ZNF609: variants seen among roughly 807,000 people sequenced by gnomAD.
ZNF609 encodes the protein zinc finger protein 609.
Under a neutral mutation model 109.5 loss-of-function variants are expected in ZNF609, and 11 were observed. That is an observed-to-expected ratio of 0.10 (90% CI 0.06 to 0.17). ZNF609 has a LOEUF of 0.17. ZNF609 is among the 10% of genes least tolerant of loss of function. ZNF609 has a pLI of 1.00. For missense variants in ZNF609, 1,559 were observed against 1,772.4 expected (o/e 0.88, Z 2.16); for synonymous variants, 646 against 662.0 (o/e 0.98, Z 0.37).
intron 2 of ZNF609, among the ~76,000 whole-genome samples, chr15:64,587,352 G>A (rs1006133464): frequency 2.0e-5 from 3 of 149,322 alleles, no homozygotes; most frequent in African/African-American, 7.4e-5. Flanking sequence ...TACCCTGACC[G>A]TGTCATATCT....
intron 2 of ZNF609, among the ~76,000 whole-genome samples, chr15:64,620,759 A>G (rs1377356221): frequency 6.6e-6 from 1 of 152,196 alleles, no homozygotes; most frequent in Non-Finnish European, 1.5e-5. Flanking sequence ...ATGATCTACA[A>G]ATAGTGATGA....
chr15:64,588,151 G>A lies in ZNF609; in HGVS notation c.748-34676G>A, dbSNP rs114781140. On this transcript the variant is annotated intron_variant, in intron 2 of 9. Coordinates refer to ENST00000326648, the MANE Select transcript of ZNF609 (RefSeq NM_015042.2). ...AGACCTTAAAAAGAAGGGGAAGGCC[G>A]GGTGCGGTGGCTCACGCCTGTAATC... Among the ~76,000 whole-genome samples the A allele has an allele frequency of 8.4e-3, 1,274 of 151,206 alleles. 23 individuals are homozygous for A. The highest frequency in any genetic ancestry group is 0.03 in the African/African-American group (1,221 of 41,310).
At chr15:64,575,378 C>G (rs1029947608) in intron 2 of ZNF609, among the ~76,000 whole-genome samples, 2 of 151,018 alleles carry the variant, frequency 1.3e-5, no homozygotes, top group Non-Finnish European at 2.9e-5. Flanking sequence ...GAGCCTAGAT[C>G]GCACCATTGC....
At chr15:64,523,352 A>G (rs1044822552) in intron 2 of ZNF609, among the ~76,000 whole-genome samples, 1 of 152,212 alleles carries the variant, frequency 6.6e-6, no homozygotes, top group Non-Finnish European at 1.5e-5. Context: ...CAGCTCTGAG[A>G]CTACTCTTTG....
chr15:64,676,242 C>CCAGA lies in ZNF609; in HGVS notation c.3388_3389insCAGA (p.Leu1130ProfsTer29). ...TCGACAGGCAGAGATGGATCCAATA[C>CCAGA]TCTGGTACCGACAGGTAACTGTTGC... is the stretch of plus-strand genomic sequence containing the variant. On this transcript the variant is annotated frameshift_variant, in exon 5 of 10. Transcript: ENST00000326648. LOFTEE classifies it high-confidence loss of function. 1 of 1,608,106 alleles carries CCAGA rather than the reference C, an allele frequency of 6.2e-7. No homozygotes were observed. Among genetic ancestry groups the CCAGA allele is most frequent in the Non-Finnish European group, 8.5e-7 (1 of 1,177,392 alleles).
intron 2 of ZNF609, among the ~76,000 whole-genome samples, chr15:64,523,880 G>A (rs528220832): frequency 6.6e-6 from 1 of 151,918 alleles, no homozygotes; most frequent in Non-Finnish European, 1.5e-5. Flanking sequence ...CTTTTTGCAT[G>A]TTTATCAAAT....
In ZNF609 at chr15:64,674,773, C is replaced by T. The variant is rs140282995; in HGVS notation, c.1919C>T (p.Pro640Leu). ...KCMEKEKCKKPSSLKPEKIPS... is the reference protein window; with the variant it reads ...KCMEKEKCKKLSSLKPEKIPS... Reference sequence around the variant, plus strand: ...ATGGAAAAAGAAAAATGTAAAAAACCCTCTAGTTTAAAACCTGAAAAGATT... The same window carrying T: ...ATGGAAAAAGAAAAATGTAAAAAACTCTCTAGTTTAAAACCTGAAAAGATT... The change falls in exon 5 of 10, where the codon CCC (proline) becomes CTC (leucine). Residue 640 changes from proline (P) to leucine (L), a missense_variant. Physicochemically the swap from Pro to Leu is moderately conservative, Grantham distance 98. This residue lies in a region of ZNF609 where 1,204 missense variants were observed against 1,314.1 expected (regional missense o/e 0.92). Transcript: ENST00000326648. 8.1e-6 allele frequency: 13 copies of T among 1,613,908 alleles called. No homozygotes were observed. In the African/African-American group the frequency reaches 1.3e-4, roughly 17 times the overall value.
chr15:64,463,762 C>G (rs1382215659), intron 1 of ZNF609, among the ~76,000 whole-genome samples: 1 of 152,210 alleles, frequency 6.6e-6, no homozygotes, highest in Non-Finnish European at 1.5e-5. Flanking sequence ...GTCTTCAGGC[C>G]TTACTGGAGG....
chr15:64,545,903 T>G (rs1425412068), intron 2 of ZNF609, among the ~76,000 whole-genome samples: 2 of 152,220 alleles, frequency 1.3e-5, no homozygotes, highest in Non-Finnish European at 1.5e-5. Flanking sequence ...TTTGCTTACC[T>G]GCTTACCACC....
At chr15:64,594,015 A>G (rs576599544) in intron 2 of ZNF609, among the ~76,000 whole-genome samples, 19 of 152,234 alleles carry the variant, frequency 1.2e-4, no homozygotes, top group Non-Finnish European at 2.2e-4. Flanking sequence ...GAAGGGTTTT[A>G]TGTCATGAAC....
chr15:64,679,465 G>C (rs1896851275), intron 6 of ZNF609, among the ~76,000 whole-genome samples: 1 of 152,188 alleles, frequency 6.6e-6, no homozygotes, highest in African/African-American at 2.4e-5. Context: ...TGGGGTGGAA[G>C]GGCACTGCTT....
chr15:64,595,250 A>G (rs1895373217), intron 2 of ZNF609, among the ~76,000 whole-genome samples: 1 of 151,728 alleles, frequency 6.6e-6, no homozygotes, highest in East Asian at 1.9e-4. Flanking sequence ...AATGCCAGCT[A>G]CTTGGGAGGC....
chr15:64,599,892 C>T (rs1473724361), intron 2 of ZNF609, among the ~76,000 whole-genome samples: 1 of 152,176 alleles, frequency 6.6e-6, no homozygotes, highest in Non-Finnish European at 1.5e-5. Flanking sequence ...TCTTGGGAAA[C>T]TACTACTTAT....
chr15:64,656,956 C>T (rs955729210), intron 3 of ZNF609, among the ~76,000 whole-genome samples: 19 of 152,218 alleles, frequency 1.2e-4, no homozygotes, highest in Admixed American at 2.0e-4. Context: ...GGCACAATGA[C>T]GGAGTATGGT....
At chr15:64,618,953 C>A (rs1195474861) in intron 2 of ZNF609, among the ~76,000 whole-genome samples, 2 of 152,138 alleles carry the variant, frequency 1.3e-5, no homozygotes, top group Non-Finnish European at 2.9e-5. Flanking sequence ...AAATGCCTAT[C>A]TACCTAGGTC....
chr15:64,547,196 A>G (rs965995245), intron 2 of ZNF609, among the ~76,000 whole-genome samples: 1 of 152,212 alleles, frequency 6.6e-6, no homozygotes, highest in Non-Finnish European at 1.5e-5. Flanking sequence ...ATGACCTTAT[A>G]TCAATGTCAA....
chr15:64,522,233 C>T (rs1893902122), intron 2 of ZNF609, among the ~76,000 whole-genome samples: 1 of 152,116 alleles, frequency 6.6e-6, no homozygotes, highest in South Asian at 2.1e-4. Context: ...TCTATAAGTG[C>T]TTTATTGTAA....
At chr15:64,564,374 G>A (rs1028685616) in intron 2 of ZNF609, among the ~76,000 whole-genome samples, 2 of 152,078 alleles carry the variant, frequency 1.3e-5, no homozygotes, top group Non-Finnish European at 2.9e-5. Flanking sequence ...TGCTTGTTAT[G>A]TAATCCACAT....
intron 2 of ZNF609, among the ~76,000 whole-genome samples, chr15:64,525,111 C>T (rs1893951970): frequency 6.6e-6 from 1 of 152,112 alleles, no homozygotes; most frequent in African/African-American, 2.4e-5. Flanking sequence ...GCTTGTATAT[C>T]TTCTTTGAAG....
Sources: allele counts gnomAD v4.1 joint callset (sites outside exome capture counted in the v4.1 genomes callset), GRCh38; gene constraint gnomAD v4.1.1; regional missense constraint gnomAD v4.1.1; transcripts MANE v1.5; gene names NCBI Gene and HGNC (gene_info 2026-07-23, HGNC 2026-07-21).